The following DUS2 variants were observed in gnomAD, a reference collection of about 807,000 sequenced individuals.
DUS2 encodes the protein tRNA-dihydrouridine(20) synthase [NAD(P)+]-like.
A neutral mutation model predicts 71.3 loss-of-function variants in DUS2; 52 were observed. The ratio of observed to expected loss-of-function variants is 0.73; its 90% CI spans 0.58 to 0.92. The LOEUF is 0.92. Ranked by LOEUF, DUS2 falls within the 40% of genes least tolerant of loss-of-function variation. The probability of loss-of-function intolerance (pLI) is 0.00; values close to 1 mark genes in which losing one functional copy is unlikely to be tolerated. For synonymous variants in DUS2, 204 were observed against 227.8 expected (o/e 0.90, Z 0.94); for missense variants, 558 against 622.6 (o/e 0.90, Z 1.10).
chr16:68,078,977 A>G lies in DUS2; in HGVS notation c.1473A>G (p.Glu491=). 6.4e-7 allele frequency: 1 copy of G among 1,569,002 alleles called. No homozygotes were observed. Among genetic ancestry groups the G allele is most frequent in the East Asian group, 2.3e-5 (1 of 44,230 alleles). ...ALGSGEESPL[E]GW ...GAAGTGGTGAAGAAAGCCCCCTGGA[A>G]GGCTGGTGACTACTCTTCCTGCCTT... Residue 491 remains glutamate (E), a synonymous_variant, in exon 17 of 17, where the codon GAA becomes GAG. Transcript: ENST00000565263.
intron 7 of DUS2, among the ~76,000 whole-genome samples, chr16:68,059,379 T>A (rs1005594345): frequency 6.6e-6 from 1 of 152,204 alleles, no homozygotes; most frequent in African/African-American, 2.4e-5. Context: ...ATTCCATTGT[T>A]GAGAAAGCTA....
intron 15 of DUS2, chr16:68,077,611 A>G (rs1567484491): frequency 6.6e-6 from 1 of 151,946 alleles, no homozygotes; most frequent in Admixed American, 6.6e-5. Flanking sequence ...CTGGTCTCGA[A>G]CTCCTGACCT....
chr16:68,049,352 G>T (rs994127012), intron 3 of DUS2, among the ~76,000 whole-genome samples, 153 bp from the exon 4 acceptor site: 2 of 152,152 alleles, frequency 1.3e-5, no homozygotes, highest in Admixed American at 6.6e-5. Context: ...ATGCTTGGGT[G>T]GGGAGAATAG....
intron 4 of DUS2, 35 bp from the exon 5 acceptor site, chr16:68,053,529 A>G (rs1300916391): frequency 4.3e-6 from 7 of 1,609,410 alleles, no homozygotes; most frequent in South Asian, 1.1e-5. Context: ...TTGCATCTTC[A>G]TTGAGTGACC....
At chr16:68,025,030 C>G (rs1361207545) in intron 1 of DUS2, among the ~76,000 whole-genome samples, 4 of 152,044 alleles carry the variant, frequency 2.6e-5, no homozygotes, top group Non-Finnish European at 4.4e-5. Flanking sequence ...CAGGGTTTCA[C>G]TACGTTGGGC....
intron 10 of DUS2, among the ~76,000 whole-genome samples, chr16:68,067,848 C>T (rs979826382): frequency 6.6e-6 from 1 of 151,720 alleles, no homozygotes; most frequent in Non-Finnish European, 1.5e-5. Context: ...TTTGTAGTGA[C>T]GGGATCTCCT....
intron 2 of DUS2, among the ~76,000 whole-genome samples, chr16:68,031,226 G>C (rs2033433234): frequency 6.6e-6 from 1 of 152,028 alleles, no homozygotes. Context: ...GGAATGCAGT[G>C]GCGTGATCTC....
At chr16:68,027,592 A>G (rs1046975278) in intron 2 of DUS2, among the ~76,000 whole-genome samples, 17 of 152,194 alleles carry the variant, frequency 1.1e-4, no homozygotes, top group African/African-American at 4.1e-4. Flanking sequence ...CATATGCCAG[A>G]TTGTATGCTC....
At chr16:68,054,916 G>A (rs1257647804) in intron 6 of DUS2, among the ~76,000 whole-genome samples, 3 of 152,096 alleles carry the variant, frequency 2.0e-5, no homozygotes, top group African/African-American at 7.2e-5. Context: ...GGTGGCGCGT[G>A]CCTGTAGTCC....
intron 3 of DUS2, among the ~76,000 whole-genome samples, chr16:68,038,577 A>G (rs766701765): frequency 7.9e-5 from 12 of 151,924 alleles, no homozygotes; most frequent in Non-Finnish European, 1.3e-4. Context: ...TAAAAATAGA[A>G]AAATTAGCCA....
intron 10 of DUS2, among the ~76,000 whole-genome samples, chr16:68,068,407 C>T (rs778025522): frequency 2.0e-5 from 3 of 152,068 alleles, no homozygotes; most frequent in Non-Finnish European, 2.9e-5. Context: ...TTTGAGATCC[C>T]GGCTCTGCTG....
At chr16:68,044,193 A>G (rs1309159787) in intron 3 of DUS2, among the ~76,000 whole-genome samples, 4 of 152,032 alleles carry the variant, frequency 2.6e-5, no homozygotes, top group African/African-American at 9.7e-5. Context: ...TTCTCTTTCA[A>G]GATTGTTTTG....
intron 15 of DUS2, chr16:68,078,101 C>T (rs1185432629): frequency 3.0e-6 from 1 of 329,292 alleles, no homozygotes; most frequent in African/African-American, 2.1e-5. Flanking sequence ...CGTGTGCCTT[C>T]TCTGCTCCTA....
At chr16:68,047,324 G>A (rs1203888990) in intron 3 of DUS2, among the ~76,000 whole-genome samples, 1 of 152,040 alleles carries the variant, frequency 6.6e-6, no homozygotes, top group East Asian at 1.9e-4. Flanking sequence ...AAAGTGCTGG[G>A]ATTACAGGCG....
chr16:68,053,829 T>C (rs1309642937), intron 5 of DUS2, 174 bp downstream of exon 5: 4 of 607,598 alleles, frequency 6.6e-6, no homozygotes, highest in Admixed American at 5.9e-5. Flanking sequence ...AATTATACTA[T>C]TGGAGACAGT....
At chr16:68,029,570 C>G (rs376324876) in intron 2 of DUS2, among the ~76,000 whole-genome samples, 1 of 151,986 alleles carries the variant, frequency 6.6e-6, no homozygotes, top group South Asian at 2.1e-4. Flanking sequence ...CCTCAGCCCC[C>G]CAAGTAGGTG....
intron 10 of DUS2, among the ~76,000 whole-genome samples, chr16:68,068,048 A>G (rs1319134399): frequency 2.6e-5 from 4 of 152,204 alleles, no homozygotes; most frequent in Non-Finnish European, 4.4e-5. Context: ...GCTGTAGCTA[A>G]TGTACTCTAT....
chr16:68,070,245 A>G, intron 11 of DUS2, 25 bp downstream of exon 11: 1 of 1,601,276 alleles, frequency 6.2e-7, no homozygotes, highest in Non-Finnish European at 8.6e-7. Flanking sequence ...TTCATCATGT[A>G]CTCTGTGTCC....
intron 2 of DUS2, among the ~76,000 whole-genome samples, chr16:68,029,113 G>A (rs1488954174): frequency 2.6e-5 from 4 of 151,576 alleles, no homozygotes; most frequent in African/African-American, 9.7e-5. Context: ...GCTGAGATGG[G>A]AGGATCACTA....
Sources: gnomAD v4.1 joint callset for allele counts (sites outside exome capture counted in the v4.1 genomes callset) on GRCh38, gnomAD v4.1.1 for gene constraint, MANE v1.5 for transcripts, NCBI Gene and HGNC (gene_info 2026-07-23, HGNC 2026-07-21) for gene names.